The following PISD variants were observed in gnomAD, a reference collection of about 807,000 sequenced individuals.
The protein encoded by PISD is phosphatidylserine decarboxylase proenzyme, mitochondrial.
In PISD, 31 loss-of-function variants were observed where a neutral mutation model predicts 43.5. That is an observed-to-expected ratio of 0.71 (90% CI 0.54 to 0.96). The LOEUF is 0.96. PISD is among the 40% of genes least tolerant of loss of function. The pLI is 0.00. For synonymous variants in PISD, 259 were observed against 228.7 expected, an observed-to-expected ratio of 1.13 and a Z score of -1.20; for missense variants, 523 against 548.4, an observed-to-expected ratio of 0.95 and a Z score of 0.46.
At position 31,618,494 on chromosome 22, in the gene PISD, T is replaced by A; in HGVS notation, c.*1118A>T. ...CACCTCCAGGAACAGAACACAGTTT[T>A]AAGTTTGATTTTTTTTATTTCAAAA... On this transcript the variant is annotated 3_prime_UTR_variant, in exon 8 of 8. Coordinates refer to ENST00000439502, the MANE Select transcript of PISD (RefSeq NM_001326411.2). 2 of 1,334,070 alleles carry A rather than the reference T, an allele frequency of 1.5e-6. No homozygotes were observed. The highest frequency in any genetic ancestry group is 1.5e-5 in the African/African-American group (1 of 67,498). The allele number at this position is 1,334,070 out of a possible 1,614,324, so 82.6% of individuals were successfully genotyped here. A position where few individuals can be genotyped will look rare whatever the true frequency, so the allele number is the denominator to read the frequency against.
chr22:31,661,173 G>A (rs988959445), intron 1 of PISD, among the ~76,000 whole-genome samples: 29 of 152,168 alleles, frequency 1.9e-4, no homozygotes, highest in Non-Finnish European at 1.9e-4. Context: ...AATCATTTCT[G>A]TACAGTTAAT....
At chr22:31,623,977 G>A in intron 3 of PISD, 1 of 784,776 alleles carries the variant, frequency 1.3e-6, no homozygotes, top group South Asian at 1.8e-5. Flanking sequence ...GCCTCTCCAT[G>A]GGGGTGATGG....
rs376582688 is a variant in PISD at position 31,635,304 on chromosome 22, T to C, written c.321+12797A>G. Among the ~76,000 whole-genome samples the C allele has an allele frequency of 1.9e-4, 29 of 152,242 alleles. 3 individuals are homozygous for C. The highest frequency in any genetic ancestry group is 1.5e-3 in the Admixed American group (23 of 15,284). ...CAGAAGTTTAGCCTTGTGTTTAAGT[T>C]CCATGTCTTTTTTTTGGAGACAGAG... On this transcript the variant is annotated intron_variant, in intron 3 of 7. Transcript: ENST00000439502.
chr22:31,632,385 C>T lies in PISD; in HGVS notation c.322-10500G>A, dbSNP rs116520767. ...GCATGTGGTACAGGGGTGGCAGATA[C>T]CTTATACAAAGCTGCTCCTAATATT... On this transcript the variant is annotated intron_variant, in intron 3 of 7. Transcript: ENST00000439502. 1,866 of 200,280 alleles carry T rather than the reference C, an allele frequency of 9.3e-3. 41 individuals carry two copies. Among genetic ancestry groups the T allele is most frequent in the African/African-American group, 0.042 (1,786 of 42,404 alleles). 12.4% of individuals were successfully genotyped at this position (200,280 alleles called of 1,614,324 possible).
rs61010566 is a variant in PISD at position 31,637,164 on chromosome 22, AATATATATATATATATATATATATAT to A, written c.321+10911_321+10936del. On this transcript the variant is annotated intron_variant, in intron 3 of 7. Coordinates refer to ENST00000439502, the MANE Select transcript of PISD (RefSeq NM_001326411.2). The stretch of plus-strand genomic sequence containing the variant: ...AAATTAAAAAAAAAAAAAAAAAAAA[AATATATATATATATATATATATATAT>A]ATATATATATATATATAGAAAAATT... Among the ~76,000 whole-genome samples the A allele has an allele frequency of 7.5e-3, 103 of 13,658 alleles. 1 individual carries two copies. The highest frequency in any genetic ancestry group is 0.042 in the Middle Eastern group (1 of 24). 9.0% of individuals were successfully genotyped at this position (13,658 alleles called of 152,430 possible). A position where few individuals can be genotyped will look rare whatever the true frequency, so the allele number is the denominator to read the frequency against.
chr22:31,625,892 G>C, intron 3 of PISD: 3 of 1,546,076 alleles, frequency 1.9e-6, no homozygotes, highest in Non-Finnish European at 2.6e-6. Flanking sequence ...CTTCCCCCGA[G>C]CCAGCAGATC....
At position 31,647,957 on chromosome 22, in the gene PISD, TG is replaced by T. The variant is rs2147784333; in HGVS notation, c.321+143del. 1.4e-5 allele frequency: 10 copies of T among 692,984 alleles called. No homozygotes were observed. In the South Asian group the frequency reaches 1.9e-4, roughly 13 times the overall value. The allele number at this position is 692,984 out of a possible 1,614,324, so 42.9% of individuals were successfully genotyped here. ...GACTTGACACCAAAGTTATAACTCC[TG>T]TATCTGGCCAAAACCTACTGGAGAC... is the stretch of plus-strand genomic sequence containing the variant. On this transcript the variant is annotated intron_variant, in intron 3 of 7. Transcript: ENST00000439502.
chr22:31,662,205 C>A lies in PISD; in HGVS notation c.4G>T (p.Ala2Ser). The A allele has an allele frequency of 6.9e-6, 11 of 1,603,804 alleles. No individual in the cohort carries two copies. Among genetic ancestry groups the A allele is most frequent in the Non-Finnish European group, 9.3e-6 (11 of 1,179,754 alleles). The stretch of plus-strand genomic sequence containing the variant: ...AGACATCGGTGCCCCACGGACGTCG[C>A]CATCTTGTCTGCTCCTTCTCAGCGT... The part of the protein sequence containing the change: M[A>S]TSVGHRCLGL... The change falls in exon 1 of 8, where the codon GCG becomes TCG. Residue 2 changes from alanine to serine, a missense_variant. By Grantham distance (99) the Ala-to-Ser change is moderately conservative. Coordinates refer to ENST00000439502, the MANE Select transcript of PISD (RefSeq NM_001326411.2).
At chr22:31,619,876 C>G (rs1435588826) in intron 7 of PISD, 40 bp from the exon 8 acceptor site, 2 of 1,368,754 alleles carry the variant, frequency 1.5e-6, no homozygotes, top group South Asian at 1.2e-5. Flanking sequence ...CCCAGGCCAC[C>G]AAGTGCACAG....
chr22:31,641,826 T>A (rs548495249), intron 3 of PISD, among the ~76,000 whole-genome samples: 4 of 150,644 alleles, frequency 2.7e-5, no homozygotes, highest in Non-Finnish European at 4.4e-5. Flanking sequence ...TCTCAAAAAA[T>A]AATAATAATA....
At chr22:31,625,809 ACAT>A (rs1414225565) in intron 3 of PISD, 1 of 1,601,092 alleles carries the variant, frequency 6.2e-7, no homozygotes. Context: ...TCTGACTGAC[ACAT>A]CATGGGCCGG....
rs1192287769 is a variant in PISD, at chr22:31,648,129, A to G, written c.293T>C (p.Ile98Thr). The change falls in exon 3 of 8, where the codon ATT (isoleucine) becomes ACT (threonine). Residue 98 changes from isoleucine to threonine, a missense_variant. Coordinates refer to ENST00000439502, the MANE Select transcript of PISD (RefSeq NM_001326411.2). ...ERELEKLGLE[I>T]PPKLAGHWEV... ...CCAGTGACCAGCAAGTTTGGGTGGA[A>G]TCTCCAATCCCAGCTTCTCCAGCTC... 15 of 1,611,856 alleles carry G rather than the reference A, an allele frequency of 9.3e-6. No individual in the cohort carries two copies. The highest frequency in any genetic ancestry group is 1.3e-5 in the Non-Finnish European group (15 of 1,179,744).
chr22:31,620,808 C>T (rs928788842), intron 6 of PISD, 95 bp from the exon 7 acceptor site: 33 of 1,499,254 alleles, frequency 2.2e-5, no homozygotes, highest in Admixed American at 5.6e-5. Context: ...GCCTGTTGCC[C>T]CGATGTCACT....
At chr22:31,623,627 C>G in intron 3 of PISD, 5 of 1,529,336 alleles carry the variant, frequency 3.3e-6, no homozygotes, top group Non-Finnish European at 3.5e-6. Context: ...TCCTGCACCC[C>G]AACCTCAGGC....
At chr22:31,621,947 T>A in intron 3 of PISD, 62 bp from the exon 4 acceptor site, 1 of 1,230,302 alleles carries the variant, frequency 8.1e-7, no homozygotes, top group Non-Finnish European at 1.2e-6. Context: ...AGAGCCCAAG[T>A]AGTGTCATTA....
In PISD at chr22:31,630,882, G is replaced by A. The variant is rs540327435; in HGVS notation, c.322-8997C>T. ...CGGGAAGCCTTGGGGCGAGTGGGCG[G>A]GGCTCGGGCTCCAGCCACTCAGACT... is the stretch of plus-strand genomic sequence containing the variant. On this transcript the variant is annotated intron_variant, in intron 3 of 7. Coordinates refer to ENST00000439502, the MANE Select transcript of PISD (RefSeq NM_001326411.2). The surrounding 1 kb of genome is among the most constrained non-coding windows in gnomAD (Gnocchi z 4.4). 9.4e-4 allele frequency: 925 copies of A among 984,996 alleles called. 1 individual carries two copies. Among genetic ancestry groups the A allele is most frequent in the South Asian group, 6.7e-3 (143 of 21,282 alleles). 61.0% of individuals were successfully genotyped at this position (984,996 alleles called of 1,614,324 possible).
chr22:31,646,233 C>CA (rs1360234219), intron 3 of PISD, among the ~76,000 whole-genome samples: 1 of 151,854 alleles, frequency 6.6e-6, no homozygotes, highest in Admixed American at 6.6e-5. Flanking sequence ...CTCATATCTA[C>CA]AAAAAAAGAA....
At chr22:31,658,903 G>C (rs897807982) in intron 1 of PISD, among the ~76,000 whole-genome samples, 1 of 150,678 alleles carries the variant, frequency 6.6e-6, no homozygotes, top group Non-Finnish European at 1.5e-5. Flanking sequence ...GCCCAGGCTG[G>C]AGTGCAGTGG....
At chr22:31,642,519 G>T (rs911180797) in intron 3 of PISD, among the ~76,000 whole-genome samples, 3 of 150,610 alleles carry the variant, frequency 2.0e-5, no homozygotes, top group Non-Finnish European at 4.4e-5. Flanking sequence ...AAAAGGACAG[G>T]TGTGGTAGCT....
Sources: allele counts gnomAD v4.1 joint callset (sites outside exome capture counted in the v4.1 genomes callset), GRCh38; gene constraint gnomAD v4.1.1; non-coding constraint Gnocchi (gnomAD v3.1); transcripts MANE v1.5; gene names NCBI Gene and HGNC (gene_info 2026-07-23, HGNC 2026-07-21).